PCOLCE2: variants seen among roughly 807,000 people sequenced by gnomAD.
PCOLCE2 encodes procollagen C-endopeptidase enhancer 2, also known as procollagen C-proteinase enhancer 2.
A neutral mutation model predicts 47.0 loss-of-function variants in PCOLCE2; 42 were observed. The observed-to-expected ratio is 0.89, with a 90% CI of 0.70 to 1.16. PCOLCE2 has a LOEUF of 1.16. Ranked by LOEUF, PCOLCE2 falls within the 50% of genes most tolerant of loss-of-function variation. The pLI is 0.00. For missense variants in PCOLCE2, 500 were observed against 526.1 expected, an observed-to-expected ratio of 0.95 and a Z score of 0.49; for synonymous variants, 169 against 191.7, an observed-to-expected ratio of 0.88 and a Z score of 0.98.
intron 6 of PCOLCE2, among the ~76,000 whole-genome samples, chr3:142,823,856 A>G (rs1937043503): frequency 6.6e-6 from 1 of 152,218 alleles, no homozygotes; most frequent in Non-Finnish European, 1.5e-5. Flanking sequence ...AGATAGCACA[A>G]ATGTAGCCCT....
chr3:142,862,553 A>C (rs929630085), intron 2 of PCOLCE2, among the ~76,000 whole-genome samples: 3 of 152,218 alleles, frequency 2.0e-5, no homozygotes, highest in Non-Finnish European at 2.9e-5. Flanking sequence ...TAAATACATA[A>C]ATAAATGCTT....
chr3:142,850,291 G>A (rs986653660), intron 2 of PCOLCE2, among the ~76,000 whole-genome samples: 3 of 152,058 alleles, frequency 2.0e-5, no homozygotes, highest in Non-Finnish European at 4.4e-5. Flanking sequence ...AAAAGTCCTA[G>A]CCATGAAAAG....
At chr3:142,879,097 A>G (rs1479752326) in intron 2 of PCOLCE2, among the ~76,000 whole-genome samples, 1 of 152,222 alleles carries the variant, frequency 6.6e-6, no homozygotes, top group African/African-American at 2.4e-5. Context: ...AATAATCTTA[A>G]AAATCCTTTC....
At chr3:142,873,121 A>G (rs1578049348) in intron 2 of PCOLCE2, among the ~76,000 whole-genome samples, 1 of 152,266 alleles carries the variant, frequency 6.6e-6, no homozygotes, top group East Asian at 1.9e-4. Context: ...GGCTGGGCGC[A>G]GTGGCTCACA....
At chr3:142,828,199 A>G (rs897106678) in intron 6 of PCOLCE2, among the ~76,000 whole-genome samples, 13 of 152,194 alleles carry the variant, frequency 8.5e-5, no homozygotes, top group Non-Finnish European at 1.8e-4. Context: ...GATAAACACA[A>G]AAATACTTAG....
intron 2 of PCOLCE2, among the ~76,000 whole-genome samples, chr3:142,853,334 C>T (rs576532669): frequency 2.3e-4 from 35 of 152,242 alleles, no homozygotes; most frequent in African/African-American, 8.4e-4. Context: ...CTAAACACCC[C>T]CAAACCCGAA....
At position 142,887,722 on chromosome 3, in the gene PCOLCE2, CA is replaced by C. The variant is rs774633951; in HGVS notation, c.138del (p.Ser46ArgfsTer25). The C allele has an allele frequency of 3.6e-5, 58 of 1,610,142 alleles. No homozygotes were observed. Among genetic ancestry groups the C allele is most frequent in the Non-Finnish European group, 4.8e-5 (57 of 1,176,584 alleles). On this transcript the variant is annotated frameshift_variant, in exon 2 of 9. Coordinates refer to ENST00000295992, the MANE Select transcript of PCOLCE2 (RefSeq NM_013363.4). LOFTEE classifies it high-confidence loss of function. ...ILTGESGFIG[S>X]EGFPGVYPPN... The stretch of plus-strand genomic sequence containing the variant: ...GGAGGGTACACTCCAGGAAAACCTT[CA>C]CTGCCAATAAATCCAGACTCTCCAG...
intron 6 of PCOLCE2, chr3:142,827,285 C>T: frequency 7.6e-7 from 1 of 1,308,900 alleles, no homozygotes; most frequent in Non-Finnish European, 1.1e-6. Context: ...TCGTGGCCAC[C>T]AGTTCCTCTT....
At chr3:142,862,911 T>C (rs1304478769) in intron 2 of PCOLCE2, among the ~76,000 whole-genome samples, 2 of 152,066 alleles carry the variant, frequency 1.3e-5, no homozygotes, top group Admixed American at 1.3e-4. Context: ...AACATAATTA[T>C]AAAAATATTC....
intron 2 of PCOLCE2, among the ~76,000 whole-genome samples, chr3:142,863,575 G>A (rs1019357541): frequency 2.0e-4 from 31 of 152,160 alleles, no homozygotes; most frequent in African/African-American, 7.5e-4. Context: ...TAGCCAGATG[G>A]CTCACAAATG....
intron 3 of PCOLCE2, chr3:142,846,646 G>A (rs767204264): frequency 1.3e-4 from 20 of 152,028 alleles, no homozygotes; most frequent in Non-Finnish European, 2.8e-4. Context: ...CTGGTTTCTC[G>A]AGCTCTTTTT....
intron 2 of PCOLCE2, among the ~76,000 whole-genome samples, chr3:142,885,086 G>T (rs114482231): frequency 6.6e-6 from 1 of 152,166 alleles, no homozygotes; most frequent in Non-Finnish European, 1.5e-5. Flanking sequence ...CTGTACTTTC[G>T]CATCAGAAAG....
At position 142,838,905 on chromosome 3, in the gene PCOLCE2, A is replaced by T. The variant is rs770704835; in HGVS notation, c.575T>A (p.Leu192His). 2 of 1,608,876 alleles carry T rather than the reference A, an allele frequency of 1.2e-6. No homozygotes were observed. Among genetic ancestry groups the T allele is most frequent in the African/African-American group, 2.7e-5 (2 of 74,828 alleles). ...AAACTTCTCAAACTTTAATTCTATA[A>T]GCTTTAGAGAAAGCACAATAGAAGT... is the stretch of plus-strand genomic sequence containing the variant. ...VWHIVAPKNQLIELKFEKFDV... is the reference protein window; with the variant it reads ...VWHIVAPKNQHIELKFEKFDV... Residue 192 changes from leucine (L) to histidine (H), a missense_variant and splice_region_variant, in exon 5 of 9, where the codon CTT (leucine) becomes CAT (histidine). Transcript: ENST00000295992.
intron 2 of PCOLCE2, among the ~76,000 whole-genome samples, chr3:142,876,663 T>C (rs373783344): frequency 4.6e-5 from 7 of 152,192 alleles, no homozygotes; most frequent in African/African-American, 1.7e-4. Context: ...TTCACTCACA[T>C]GGTTGGCACC....
intron 2 of PCOLCE2, among the ~76,000 whole-genome samples, chr3:142,876,765 C>A (rs1033666408): frequency 3.9e-5 from 6 of 152,190 alleles, no homozygotes; most frequent in African/African-American, 1.4e-4. Flanking sequence ...ATCCTCACAG[C>A]ATGGTGGGCC....
chr3:142,850,015 C>T (rs1937372158), intron 2 of PCOLCE2, among the ~76,000 whole-genome samples: 1 of 152,058 alleles, frequency 6.6e-6, no homozygotes, highest in Non-Finnish European at 1.5e-5. Flanking sequence ...GATTTGCCAT[C>T]GTTGCATTCT....
At chr3:142,830,717 T>G (rs1937141861) in intron 5 of PCOLCE2, among the ~76,000 whole-genome samples, 1 of 152,232 alleles carries the variant, frequency 6.6e-6, no homozygotes, top group Admixed American at 6.5e-5. Flanking sequence ...CACAAGATAG[T>G]TTCATTTAAG....
At chr3:142,838,364 G>A (rs1270331057) in intron 5 of PCOLCE2, among the ~76,000 whole-genome samples, 2 of 152,060 alleles carry the variant, frequency 1.3e-5, no homozygotes, top group Admixed American at 1.3e-4. Context: ...GTTTCTCATG[G>A]TTTAAACACC....
At position 142,842,904 on chromosome 3, in the gene PCOLCE2, A is replaced by G; in HGVS notation, c.573+20T>C. ...CAATTCACACATGCATGCTTTCTTCACACTTCCAGGGAATCTCACCTGATT... is the reference window on the plus strand; with the variant it reads ...CAATTCACACATGCATGCTTTCTTCGCACTTCCAGGGAATCTCACCTGATT... On this transcript the variant is annotated intron_variant, in intron 4 of 8. Coordinates refer to ENST00000295992, the MANE Select transcript of PCOLCE2 (RefSeq NM_013363.4). This position sits in a 1 kb window ranked among gnomAD's most constrained non-coding sequence, Gnocchi z 4.1. 1.2e-6 allele frequency: 2 copies of G among 1,613,548 alleles called. No homozygotes were observed. Among genetic ancestry groups the G allele is most frequent in the Non-Finnish European group, 1.7e-6 (2 of 1,179,660 alleles).
Sources: gnomAD v4.1 joint callset for allele counts (sites outside exome capture counted in the v4.1 genomes callset) on GRCh38, gnomAD v4.1.1 for gene constraint, Gnocchi (gnomAD v3.1) non-coding constraint, MANE v1.5 for transcripts, NCBI Gene and HGNC (gene_info 2026-07-23, HGNC 2026-07-21) for gene names.